Variants in LNP1 observed in about 807,000 individuals in gnomAD.
LNP1 encodes leukemia NUP98 fusion partner 1.
In LNP1, 12 loss-of-function variants were observed where a neutral mutation model predicts 14.5. The ratio of observed to expected loss-of-function variants is 0.83; its 90% CI spans 0.53 to 1.34. The LOEUF is 1.34. Ranked by LOEUF, LNP1 falls within the 40% of genes most tolerant of loss-of-function variation. The probability of loss-of-function intolerance (pLI) is 0.00; values close to 1 mark genes in which losing one functional copy is unlikely to be tolerated. For missense variants in LNP1, 198 were observed against 210.9 expected (o/e 0.94, Z 0.38); for synonymous variants, 75 against 71.4 (o/e 1.05, Z -0.26).
chr3:100,421,036 T>G (rs6788019), intron 1 of LNP1, among the ~76,000 whole-genome samples: 1,816 of 152,136 alleles, frequency 0.012, 35 homozygotes, highest in African/African-American at 0.042. Context: ...TGGAGTGCAG[T>G]GGGATAGTCA....
chr3:100,441,830 T>C (rs971039098), intron 2 of LNP1, among the ~76,000 whole-genome samples: 2 of 151,810 alleles, frequency 1.3e-5, no homozygotes, highest in South Asian at 2.1e-4. Context: ...ACCCAGCTAA[T>C]TTTTTTGTAT....
Position 100,455,847 on chromosome 3 carries a change from T to G in LNP1, c.458T>G (p.Val153Gly), listed in dbSNP as rs548311816. 1.9e-6 allele frequency: 3 copies of G among 1,613,910 alleles called. 1 individual carries two copies. In the South Asian group the frequency reaches 3.3e-5, roughly 18 times the overall value. Reference sequence around the variant, plus strand: ...ATGGAGATAAAATCCCGAAAGAAAGTAGAGGAAGAAAGGAGCTCTAGGAAA... The same window carrying G: ...ATGGAGATAAAATCCCGAAAGAAAGGAGAGGAAGAAAGGAGCTCTAGGAAA... ...LRMEIKSRKK[V>G]EEERSSRKEE... Residue 153 changes from valine to glycine, a missense_variant, in exon 4 of 4, where the codon GTA (valine) becomes GGA (glycine). Coordinates refer to ENST00000383693, the MANE Select transcript of LNP1 (RefSeq NM_001085451.2).
At chr3:100,452,220 T>C (rs1009529261) in intron 3 of LNP1, among the ~76,000 whole-genome samples, 2 of 149,892 alleles carry the variant, frequency 1.3e-5, no homozygotes, top group Non-Finnish European at 3.0e-5. Flanking sequence ...TTTTTTTTTT[T>C]GAGATAGGGT....
At chr3:100,421,360 A>C (rs576053312) in intron 1 of LNP1, among the ~76,000 whole-genome samples, 2 of 152,286 alleles carry the variant, frequency 1.3e-5, no homozygotes, top group South Asian at 4.1e-4. Context: ...CTCAAATTCC[A>C]CCTATTTAAA....
intron 1 of LNP1, among the ~76,000 whole-genome samples, chr3:100,408,063 G>A (rs962718390): frequency 2.0e-5 from 3 of 152,126 alleles, no homozygotes; most frequent in South Asian, 4.1e-4. Flanking sequence ...TGAATTCCTT[G>A]GCAGATAGTT....
intron 2 of LNP1, among the ~76,000 whole-genome samples, chr3:100,431,996 A>G (rs1707247022): frequency 2.0e-3 from 2 of 1,022 alleles, no homozygotes; most frequent in Non-Finnish European, 2.5e-3. Context: ...CCTTGTTTAT[A>G]TATATATATA....
intron 2 of LNP1, among the ~76,000 whole-genome samples, chr3:100,448,131 G>T (rs74738657): frequency 6.6e-6 from 1 of 151,952 alleles, no homozygotes; most frequent in East Asian, 1.9e-4. Flanking sequence ...ATCATTTAAC[G>T]TTATGGAACC....
At chr3:100,423,452 G>A (rs897302417) in intron 1 of LNP1, among the ~76,000 whole-genome samples, 2 of 152,094 alleles carry the variant, frequency 1.3e-5, no homozygotes, top group South Asian at 2.1e-4. Context: ...GAGTCCAGGA[G>A]TTCGAGACCA....
chr3:100,451,169 TG>T (rs1707434494), intron 2 of LNP1, among the ~76,000 whole-genome samples: 1 of 152,204 alleles, frequency 6.6e-6, no homozygotes, highest in South Asian at 2.1e-4. Context: ...AAGTTTATTT[TG>T]CCAAGGCTGA....
intron 2 of LNP1, among the ~76,000 whole-genome samples, chr3:100,449,588 G>A (rs566297109): frequency 4.3e-4 from 66 of 152,014 alleles, no homozygotes; most frequent in African/African-American, 1.5e-3. Context: ...AATCAACTGA[G>A]AAGAAAAAAA....
intron 1 of LNP1, among the ~76,000 whole-genome samples, chr3:100,407,379 CTTT>C (rs963628569): frequency 6.6e-6 from 1 of 151,964 alleles, no homozygotes; most frequent in African/African-American, 2.4e-5. Context: ...GATTGACAGT[CTTT>C]TTTTTCCTTT....
chr3:100,421,534 G>T (rs188559958), intron 1 of LNP1, among the ~76,000 whole-genome samples: 17 of 152,232 alleles, frequency 1.1e-4, no homozygotes, highest in African/African-American at 3.6e-4. Context: ...TATGATTTTT[G>T]ATGATTGCAT....
chr3:100,429,566 A>G (rs1707223979), intron 1 of LNP1, 131 bp from the exon 2 acceptor site: 1 of 633,510 alleles, frequency 1.6e-6, no homozygotes, highest in African/African-American at 1.8e-5. Context: ...GTTGTTTAGT[A>G]AATCTTTCTC....
At chr3:100,404,808 T>TTC (rs956611751) in intron 1 of LNP1, among the ~76,000 whole-genome samples, 22 of 151,182 alleles carry the variant, frequency 1.5e-4, no homozygotes, top group Non-Finnish European at 2.5e-4. Context: ...TTTTTTTTTT[T>TTC]CCAAGATGGA....
At chr3:100,433,312 T>C (rs1707259524) in intron 2 of LNP1, among the ~76,000 whole-genome samples, 1 of 152,194 alleles carries the variant, frequency 6.6e-6, no homozygotes, top group African/African-American at 2.4e-5. Context: ...GGTGAGAACA[T>C]GTGGTGTTTG....
At chr3:100,406,587 T>G (rs1202681464) in intron 1 of LNP1, among the ~76,000 whole-genome samples, 1 of 152,138 alleles carries the variant, frequency 6.6e-6, no homozygotes, top group Non-Finnish European at 1.5e-5. Context: ...CAGGCTGGAG[T>G]GCAATGGCAT....
rs1707378614 is a variant in LNP1, at chr3:100,445,482, T to A, written c.157-6237T>A. On this transcript the variant is annotated intron_variant, in intron 2 of 3. Transcript: ENST00000383693. ...TTAATTGCTGTCAGTGTTTAACATT[T>A]ATCAGGACTTGGTTTCCTTTTTAGA... Among the ~76,000 whole-genome samples the A allele has an allele frequency of 2.6e-5, 4 of 152,138 alleles. No homozygotes were observed. The South Asian group carries it at 8.3e-4, about 32-fold the overall frequency.
chr3:100,454,351 G>A (rs1707488588), intron 3 of LNP1, among the ~76,000 whole-genome samples: 1 of 151,974 alleles, frequency 6.6e-6, no homozygotes, highest in Admixed American at 6.6e-5. Flanking sequence ...TAGAAATTCC[G>A]AACATATACA....
At chr3:100,427,302 G>C (rs1447789878) in intron 1 of LNP1, among the ~76,000 whole-genome samples, 1 of 152,106 alleles carries the variant, frequency 6.6e-6, no homozygotes, top group African/African-American at 2.4e-5. Context: ...ATCTAGAGGA[G>C]AGAACAAAAC....
Sources: allele counts gnomAD v4.1 joint callset (sites outside exome capture counted in the v4.1 genomes callset), GRCh38; gene constraint gnomAD v4.1.1; transcripts MANE v1.5; gene names NCBI Gene and HGNC (gene_info 2026-07-23, HGNC 2026-07-21).